UMODL1: variants seen among roughly 807,000 people sequenced by gnomAD.
UMODL1 encodes uromodulin like 1, also known as uromodulin-like 1.
A neutral mutation model predicts 136.3 loss-of-function variants in UMODL1; 128 were observed. The ratio of observed to expected loss-of-function variants is 0.94; its 90% CI spans 0.81 to 1.09. The LOEUF is 1.09. Ranked by LOEUF, UMODL1 falls within the 50% of genes least tolerant of loss-of-function variation. The pLI is 0.00. For synonymous variants in UMODL1, 721 were observed against 720.0 expected (o/e 1.00, Z -0.02); for missense variants, 1,766 against 1,725.6 (o/e 1.02, Z -0.41).
chr21:42,071,831 TA>T (rs568238961), intron 1 of UMODL1, among the ~76,000 whole-genome samples: 34 of 132,378 alleles, frequency 2.6e-4, no homozygotes, highest in Non-Finnish European at 1.8e-4. Context: ...CTTACAGATT[TA>T]AAAAAAAAAG....
At chr21:42,104,426 TTTTC>T (rs941434035) in intron 9 of UMODL1, among the ~76,000 whole-genome samples, 1 of 143,444 alleles carries the variant, frequency 7.0e-6, no homozygotes, top group Non-Finnish European at 1.6e-5. Context: ...TCTTTTTTTC[TTTTC>T]TTTTTTTTCT....
chr21:42,124,154 G>C (rs556579251), intron 17 of UMODL1, among the ~76,000 whole-genome samples: 1 of 152,202 alleles, frequency 6.6e-6, no homozygotes, highest in Non-Finnish European at 1.5e-5. Flanking sequence ...GCCCTTGTTC[G>C]TCTCCAACCC....
rs748896479 is a variant in UMODL1, at chr21:42,076,248, G to A, written c.319+1G>A. On this transcript the variant is annotated splice_donor_variant, in intron 2 of 22. Coordinates refer to ENST00000408910, the MANE Select transcript of UMODL1 (RefSeq NM_001004416.3). LOFTEE classifies it high-confidence loss of function. ...CAGCTCGGCCTCTACTGTGTCTTGC[G>A]TGAGTCCAGGGCTGCTGGGCTGGGG... 1.4e-5 allele frequency: 23 copies of A among 1,613,978 alleles called. No individual in the cohort carries two copies. The highest frequency in any genetic ancestry group is 5.3e-5 in the African/African-American group (4 of 74,940).
intron 21 of UMODL1, among the ~76,000 whole-genome samples, chr21:42,130,603 AAG>A (rs1332248110): frequency 1.8e-5 from 1 of 54,914 alleles, no homozygotes; most frequent in Non-Finnish European, 5.0e-5. Flanking sequence ...CCTGGCAGCT[AAG>A]TGTGGCCATG....
At position 42,113,563 on chromosome 21, in the gene UMODL1, C is replaced by T. The variant is rs749561271; in HGVS notation, c.2105-10C>T. 7.5e-6 allele frequency: 12 copies of T among 1,600,134 alleles called. No individual in the cohort carries two copies. The highest frequency in any genetic ancestry group is 9.4e-6 in the Non-Finnish European group (11 of 1,170,320). ...GATTGTAATTTTGGTGTTTATATTC[C>T]ACTTCCCAGTTCCTGTCTCCATTGG... is the stretch of plus-strand genomic sequence containing the variant. On this transcript the variant is annotated splice_polypyrimidine_tract_variant and intron_variant, in intron 12 of 22. Transcript: ENST00000408910.
intron 10 of UMODL1, among the ~76,000 whole-genome samples, chr21:42,110,155 GTCC>G (rs2066799537): frequency 2.6e-5 from 4 of 152,342 alleles, no homozygotes; most frequent in Admixed American, 2.6e-4. Flanking sequence ...CTGAGCTCTA[GTCC>G]TGCTGTATCG....
rs368342338 is a variant in UMODL1 at position 42,137,387 on chromosome 21, G to A, written c.3776-52G>A. The A allele has an allele frequency of 1.5e-5, 24 of 1,599,504 alleles. No homozygotes were observed. In the African/African-American group the frequency reaches 1.7e-4, roughly 12 times the overall value. On this transcript the variant is annotated intron_variant, in intron 21 of 22. Coordinates refer to ENST00000408910, the MANE Select transcript of UMODL1 (RefSeq NM_001004416.3). ...ATCCGGGTGGAGGGCTTGCTCTATC[G>A]CATTCCTCCCGTTTGTGCAGATCTC...
chr21:42,065,053 A>G (rs1367559885), intron 1 of UMODL1, among the ~76,000 whole-genome samples: 2 of 152,292 alleles, frequency 1.3e-5, no homozygotes, highest in East Asian at 3.9e-4. Flanking sequence ...TAAACATTAA[A>G]GCCTGATTCG....
chr21:42,069,229 A>AACACACACACACACACACACAC (rs61712292), upstream of UMODL1, among the ~76,000 whole-genome samples: 553 of 136,386 alleles, frequency 4.1e-3, 10 homozygotes, highest in Non-Finnish European at 5.5e-3. Flanking sequence ...CACAGACAGA[A>AACACACACACACACACACACAC]ACACACACAC....
intron 1 of UMODL1, among the ~76,000 whole-genome samples, chr21:42,063,559 G>A (rs922286849): frequency 6.6e-6 from 1 of 152,214 alleles, no homozygotes; most frequent in Non-Finnish European, 1.5e-5. Flanking sequence ...CCTCCTGAGC[G>A]ATGCCTTAGA....
chr21:42,066,977 CTTT>C (rs34685798), upstream of UMODL1, among the ~76,000 whole-genome samples: 31 of 132,806 alleles, frequency 2.3e-4, no homozygotes, highest in Non-Finnish European at 2.1e-4. Flanking sequence ...TTTTTTCTTT[CTTT>C]TTTTTTTTTT....
chr21:42,097,220 C>T (rs555715800), intron 6 of UMODL1, among the ~76,000 whole-genome samples: 2 of 152,336 alleles, frequency 1.3e-5, no homozygotes, highest in Admixed American at 1.3e-4. Context: ...TACCCCACAT[C>T]CTAGAAGTGT....
Position 42,127,717 on chromosome 21 carries a change from C to T in UMODL1, c.3576C>T (p.Asn1192=), listed in dbSNP as rs762457973. ...NTYTNVIENG[N]SNKAQFKLRI... ...ACACCAACGTGATTGAGAACGGCAA[C>T]TCCAATAAGGCCCAGTTCAAGCTGA... is the stretch of plus-strand genomic sequence containing the variant. The change falls in exon 20 of 23, where the codon AAC becomes AAT. Residue 1192 remains asparagine (N), a synonymous_variant. Transcript: ENST00000408910. The T allele has an allele frequency of 2.5e-6, 4 of 1,614,224 alleles. No homozygotes were observed. The highest frequency in any genetic ancestry group is 1.7e-5 in the Admixed American group (1 of 60,030).
Position 42,111,698 on chromosome 21 carries a change from A to T in UMODL1, c.2092A>T (p.Thr698Ser). The T allele has an allele frequency of 6.2e-7, 1 of 1,606,880 alleles. No individual in the cohort carries two copies. Among genetic ancestry groups the T allele is most frequent in the Non-Finnish European group, 8.5e-7 (1 of 1,175,766 alleles). ...PLTSTLTALK[T>S]PACVPVSIGR... ...GACCTCCACCCTCACAGCTCTGAAG[A>T]CCCCCGCCTGTGGTGAGTTCCTCGA... Residue 698 changes from threonine (T) to serine (S), a missense_variant, in exon 12 of 23, where the codon ACC becomes TCC. Thr to Ser is a moderately conservative substitution (Grantham distance 58). Coordinates refer to ENST00000408910, the MANE Select transcript of UMODL1 (RefSeq NM_001004416.3).
intron 21 of UMODL1, among the ~76,000 whole-genome samples, chr21:42,133,252 C>A (rs151128933): frequency 6.6e-6 from 1 of 152,232 alleles, no homozygotes; most frequent in Non-Finnish European, 1.5e-5. Context: ...AGGACCTCAC[C>A]GCTATCCGCG....
chr21:42,096,981 G>T (rs745899940), intron 6 of UMODL1, among the ~76,000 whole-genome samples: 2 of 152,206 alleles, frequency 1.3e-5, no homozygotes, highest in South Asian at 4.1e-4. Context: ...GGCAGTGAGT[G>T]GGGGGTCTTT....
At chr21:42,114,187 C>G (rs919895228) in intron 13 of UMODL1, among the ~76,000 whole-genome samples, 1 of 152,210 alleles carries the variant, frequency 6.6e-6, no homozygotes, top group Non-Finnish European at 1.5e-5. Context: ...TCTCAACAGT[C>G]CTACAGAGGA....
At chr21:42,141,012 G>A (rs760797991) in intron 22 of UMODL1, among the ~76,000 whole-genome samples, 2 of 152,102 alleles carry the variant, frequency 1.3e-5, no homozygotes, top group Admixed American at 6.6e-5. Flanking sequence ...CCCCCTCTTC[G>A]TCAGGCAGGC....
At chr21:42,073,746 C>T (rs939466465) in intron 1 of UMODL1, among the ~76,000 whole-genome samples, 8 of 152,136 alleles carry the variant, frequency 5.3e-5, no homozygotes, top group African/African-American at 1.9e-4. Flanking sequence ...AGATGCTGCC[C>T]CAGTGGAGCG....
Sources: gnomAD v4.1 joint callset for allele counts (sites outside exome capture counted in the v4.1 genomes callset) on GRCh38, gnomAD v4.1.1 for gene constraint, MANE v1.5 for transcripts, NCBI Gene and HGNC (gene_info 2026-07-23, HGNC 2026-07-21) for gene names.